Variants in RPN2 observed in about 807,000 individuals in gnomAD.
RPN2 encodes dolichyl-diphosphooligosaccharide--protein glycosyltransferase subunit 2.
In RPN2, 29 loss-of-function variants were observed where a neutral mutation model predicts 71.4. That is an observed-to-expected ratio of 0.41 (90% CI 0.30 to 0.55). The LOEUF is 0.55. Ranked by LOEUF, RPN2 falls within the 20% of genes least tolerant of loss-of-function variation. RPN2 has a pLI of 0.35. For synonymous variants in RPN2, 308 were observed against 305.0 expected, an observed-to-expected ratio of 1.01 and a Z score of -0.10; for missense variants, 726 against 774.1, an observed-to-expected ratio of 0.94 and a Z score of 0.74.
At chr20:37,222,120 G>A (rs887611941) in intron 9 of RPN2, among the ~76,000 whole-genome samples, 3 of 152,182 alleles carry the variant, frequency 2.0e-5, no homozygotes, top group Admixed American at 2.0e-4. Context: ...TTGCAAGAAA[G>A]CTTGCTCTGG....
intron 2 of RPN2, among the ~76,000 whole-genome samples, chr20:37,194,987 G>A (rs2146547015): frequency 6.6e-6 from 1 of 152,304 alleles, no homozygotes; most frequent in African/African-American, 2.4e-5. Context: ...GGTTCAGGGA[G>A]TTGTAGGGGA....
At chr20:37,232,224 G>T (rs1272938608) in intron 13 of RPN2, 72 bp from the exon 14 acceptor site, 6 of 1,574,610 alleles carry the variant, frequency 3.8e-6, no homozygotes, top group Non-Finnish European at 5.2e-6. Context: ...TGATGCTTTG[G>T]TCCCCGGTAT....
chr20:37,226,790 C>T (rs554471501), intron 11 of RPN2, among the ~76,000 whole-genome samples: 2 of 152,162 alleles, frequency 1.3e-5, no homozygotes, highest in Non-Finnish European at 2.9e-5. Flanking sequence ...CAGATACCCC[C>T]ACTCCCACAC....
At chr20:37,199,304 C>A in intron 4 of RPN2, 79 bp downstream of exon 4, 1 of 1,550,566 alleles carries the variant, frequency 6.4e-7, no homozygotes, top group Non-Finnish European at 8.8e-7. Context: ...ATTGGTTCAG[C>A]AAATACTTTC....
chr20:37,229,620 TTCTC>T (rs1285669018), intron 12 of RPN2, among the ~76,000 whole-genome samples: 2 of 152,296 alleles, frequency 1.3e-5, no homozygotes, highest in South Asian at 2.1e-4. Context: ...ACTCATTTCT[TTCTC>T]TCTTTTTCAA....
intron 9 of RPN2, among the ~76,000 whole-genome samples, chr20:37,221,242 C>T (rs2067950470): frequency 6.7e-6 from 1 of 148,234 alleles, no homozygotes; most frequent in African/African-American, 2.5e-5. Context: ...ATTGCCCAGG[C>T]TGGAGTGCAG....
chr20:37,186,237 A>G (rs2067006868), intron 2 of RPN2, among the ~76,000 whole-genome samples: 1 of 152,242 alleles, frequency 6.6e-6, no homozygotes, highest in Non-Finnish European at 1.5e-5. Flanking sequence ...GGCTTTAATT[A>G]TACCTGCAAA....
At chr20:37,226,770 C>T (rs2068086815) in intron 11 of RPN2, among the ~76,000 whole-genome samples, 1 of 152,140 alleles carries the variant, frequency 6.6e-6, no homozygotes, top group African/African-American at 2.4e-5. Flanking sequence ...AATATGGCCC[C>T]ATGTCCACTC....
At position 37,203,617 on chromosome 20, in the gene RPN2, C is replaced by T. The variant is rs146045824; in HGVS notation, c.480-268C>T. Among the ~76,000 whole-genome samples the T allele has an allele frequency of 5.9e-5, 9 of 152,280 alleles. No homozygotes were observed. The East Asian group carries it at 7.7e-4, about 13-fold the overall frequency. On this transcript the variant is annotated intron_variant, in intron 4 of 16. Transcript: ENST00000237530. ...TCAGACTCCCAAAATGCTGGGATTA[C>T]GGGCGTGAGCCACTGCGCCCAGCCC...
intron 2 of RPN2, among the ~76,000 whole-genome samples, chr20:37,193,662 C>T (rs75754103): frequency 0.12 from 18,134 of 152,112 alleles, 1,105 homozygotes; most frequent in African/African-American, 0.15. Context: ...AAAGATAATG[C>T]CTGGACTTTC....
In RPN2 at chr20:37,199,170, C is replaced by G; in HGVS notation, c.424C>G (p.Gln142Glu). 6.2e-7 allele frequency: 1 copy of G among 1,614,196 alleles called. No individual in the cohort carries two copies. The highest frequency in any genetic ancestry group is 8.5e-7 in the Non-Finnish European group (1 of 1,180,026). Reference sequence around the variant, plus strand: ...TGGCTTTGGCCTTCCCTTGGCATCCCAAGAAGCACTCAGTGCCCTTACTGC... The same window carrying G: ...TGGCTTTGGCCTTCCCTTGGCATCCGAAGAAGCACTCAGTGCCCTTACTGC... ...LSGFGLPLAS[Q>E]EALSALTARL... The change falls in exon 4 of 17, where the codon CAA becomes GAA. Residue 142 changes from glutamine to glutamate, a missense_variant. By Grantham distance (29) the Gln-to-Glu change is conservative. Coordinates refer to ENST00000237530, the MANE Select transcript of RPN2 (RefSeq NM_002951.5).
chr20:37,184,445 G>A (rs1410954092), intron 2 of RPN2, 72 bp downstream of exon 2: 4 of 1,303,516 alleles, frequency 3.1e-6, no homozygotes, highest in Non-Finnish European at 4.4e-6. Flanking sequence ...ATTCCTTTGG[G>A]GTAGTTCAAA....
intron 11 of RPN2, 66 bp downstream of exon 11, chr20:37,225,868 G>A: frequency 9.1e-7 from 1 of 1,103,350 alleles, no homozygotes. Flanking sequence ...TTTACAATGT[G>A]GTCTATAACA....
In RPN2 at chr20:37,207,527, C is replaced by T. The variant is rs971392618; in HGVS notation, c.867+78C>T. On this transcript the variant is annotated intron_variant, in intron 7 of 16. Coordinates refer to ENST00000237530, the MANE Select transcript of RPN2 (RefSeq NM_002951.5). The stretch of plus-strand genomic sequence containing the variant: ...GGCTTTCAGAAATCTGGACTATGGT[C>T]ACAGCCAATTACAGCCCCTACAAGG... 4.4e-6 allele frequency: 6 copies of T among 1,371,512 alleles called. No individual in the cohort carries two copies. The Admixed American group carries it at 8.4e-5, about 19-fold the overall frequency. 85.0% of individuals were successfully genotyped at this position (1,371,512 alleles called of 1,614,324 possible).
intron 13 of RPN2, among the ~76,000 whole-genome samples, chr20:37,230,378 C>T (rs973506451): frequency 3.3e-5 from 5 of 152,206 alleles, no homozygotes; most frequent in African/African-American, 1.2e-4. Flanking sequence ...CGTTTATCCT[C>T]CCTGCTCCTG....
chr20:37,184,854 A>G lies in RPN2; in HGVS notation c.207+481A>G, dbSNP rs576667952. On this transcript the variant is annotated intron_variant, in intron 2 of 16. Coordinates refer to ENST00000237530, the MANE Select transcript of RPN2 (RefSeq NM_002951.5). ...TTGTTTTTGTTTTTTTGCCTAATGT[A>G]TGTTAAGGATCATACCAGATCAGTT... 2.0e-5 allele frequency among the ~76,000 whole-genome samples: 3 copies of G among 152,258 alleles called. No individual in the cohort carries two copies. In the East Asian group the frequency reaches 5.8e-4, roughly 29 times the overall value.
intron 2 of RPN2, among the ~76,000 whole-genome samples, chr20:37,187,973 A>G (rs1052237308): frequency 3.3e-5 from 5 of 151,696 alleles, no homozygotes; most frequent in African/African-American, 4.8e-5. Flanking sequence ...TCTGTTTTAT[A>G]TCTTCTATTG....
chr20:37,203,152 C>T (rs2067432077), intron 4 of RPN2, among the ~76,000 whole-genome samples: 1 of 151,978 alleles, frequency 6.6e-6, no homozygotes, highest in Admixed American at 6.6e-5. Flanking sequence ...TTCGAACCCC[C>T]AGGCTTAAGT....
chr20:37,207,055 A>C (rs1266143910), intron 6 of RPN2, among the ~76,000 whole-genome samples: 2 of 152,066 alleles, frequency 1.3e-5, no homozygotes, highest in Non-Finnish European at 2.9e-5. Flanking sequence ...CATGAATTTC[A>C]GTTTATAAAG....
Sources: allele counts gnomAD v4.1 joint callset (sites outside exome capture counted in the v4.1 genomes callset), GRCh38; gene constraint gnomAD v4.1.1; transcripts MANE v1.5; gene names NCBI Gene and HGNC (gene_info 2026-07-23, HGNC 2026-07-21).